EPS15: variants seen among roughly 807,000 people sequenced by gnomAD.
The protein encoded by EPS15 is epidermal growth factor receptor substrate 15.
In EPS15, 72 loss-of-function variants were observed where a neutral mutation model predicts 113.8. The ratio of observed to expected loss-of-function variants is 0.63; its 90% CI spans 0.52 to 0.77. The LOEUF is 0.77. Ranked by LOEUF, EPS15 falls within the 30% of genes least tolerant of loss-of-function variation. The pLI is 0.00. For missense variants in EPS15, 1,048 were observed against 1,045.8 expected, an observed-to-expected ratio of 1.00 and a Z score of -0.03; for synonymous variants, 344 against 363.4, an observed-to-expected ratio of 0.95 and a Z score of 0.61.
At chr1:51,462,158 T>C (rs1439230449) in intron 7 of EPS15, 2 of 150,506 alleles carry the variant, frequency 1.3e-5, no homozygotes, top group Non-Finnish European at 3.0e-5. Context: ...AGGTCAGGAG[T>C]TCAAGACCAG....
intron 15 of EPS15, among the ~76,000 whole-genome samples, chr1:51,407,877 C>G (rs1463254718): frequency 6.6e-6 from 1 of 152,140 alleles, no homozygotes; most frequent in African/African-American, 2.4e-5. Context: ...AAGTGGCACA[C>G]CAGTACTTAA....
chr1:51,463,051 T>A (rs1251456815), intron 7 of EPS15: 1 of 151,872 alleles, frequency 6.6e-6, no homozygotes, highest in African/African-American at 2.4e-5. Context: ...CTAATTTTTG[T>A]ATTTTTAGTA....
intron 17 of EPS15, 64 bp from the exon 18 acceptor site, chr1:51,402,589 A>G (rs1243839762): frequency 3.4e-6 from 3 of 884,562 alleles, no homozygotes; most frequent in African/African-American, 3.5e-5. Flanking sequence ...TAACATTTTA[A>G]AATAAAATAA....
chr1:51,426,529 A>C (rs1651211467), intron 12 of EPS15, among the ~76,000 whole-genome samples: 1 of 150,962 alleles, frequency 6.6e-6, no homozygotes, highest in Non-Finnish European at 1.5e-5. Context: ...TTGGACAAAC[A>C]CGACCCTAGA....
intron 13 of EPS15, among the ~76,000 whole-genome samples, chr1:51,413,494 C>T (rs371624080): frequency 1.3e-5 from 2 of 152,144 alleles, no homozygotes; most frequent in African/African-American, 2.4e-5. Flanking sequence ...ATGGGAAACA[C>T]GCATGAGACT....
At chr1:51,468,701 T>C (rs1655025505) in intron 4 of EPS15, 133 bp from the exon 5 acceptor site, 11 of 621,006 alleles carry the variant, frequency 1.8e-5, no homozygotes, top group Non-Finnish European at 2.8e-5. Context: ...ACAAGTAGCA[T>C]ATTTGCTTCA....
At chr1:51,426,837 C>CTCTCTCTCTCTCTA (rs377211027) in intron 12 of EPS15, among the ~76,000 whole-genome samples, 97 of 143,646 alleles carry the variant, frequency 6.8e-4, no homozygotes, top group Middle Eastern at 3.5e-3. Context: ...CTCTCTCTCT[C>CTCTCTCTCTCTCTA]TATATATATA....
At chr1:51,468,411 C>T in intron 5 of EPS15, 62 bp downstream of exon 5, 3 of 1,182,902 alleles carry the variant, frequency 2.5e-6, no homozygotes, top group Non-Finnish European at 3.8e-6. Context: ...TTTTAATTTT[C>T]AAATAACGTG....
At chr1:51,473,155 G>A (rs540200399) in intron 2 of EPS15, among the ~76,000 whole-genome samples, 1 of 152,206 alleles carries the variant, frequency 6.6e-6, no homozygotes, top group Admixed American at 6.5e-5. Flanking sequence ...AGTGGTTTTT[G>A]TTTTATCATG....
At chr1:51,505,803 A>G (rs1644489582) in intron 1 of EPS15, among the ~76,000 whole-genome samples, 1 of 152,064 alleles carries the variant, frequency 6.6e-6, no homozygotes, top group African/African-American at 2.4e-5. Flanking sequence ...TTATTTATTT[A>G]TTTATTTTTT....
chr1:51,425,658 C>T (rs919524165), intron 12 of EPS15, among the ~76,000 whole-genome samples: 55 of 152,190 alleles, frequency 3.6e-4, no homozygotes, highest in Non-Finnish European at 5.7e-4. Flanking sequence ...GTCAATCTCT[C>T]TCACAAGCAA....
At chr1:51,357,402 ATATATATATATATATATATATATATTTT>A (rs1482272912) in intron 24 of EPS15, among the ~76,000 whole-genome samples, 1 of 50,290 alleles carries the variant, frequency 2.0e-5, no homozygotes, top group Non-Finnish European at 3.5e-5. Context: ...ATATATATAT[ATATATATATATATATATATATATATTTT>A]TTTTTTTTAA....
At chr1:51,419,526 C>T (rs994524349) in intron 13 of EPS15, among the ~76,000 whole-genome samples, 3 of 152,020 alleles carry the variant, frequency 2.0e-5, no homozygotes, top group Admixed American at 1.3e-4. Flanking sequence ...AAGCCAAGTG[C>T]GGCAGGTACT....
At chr1:51,518,921 C>T (rs2148577715) in intron 1 of EPS15, among the ~76,000 whole-genome samples, 1 of 151,594 alleles carries the variant, frequency 6.6e-6, no homozygotes, top group East Asian at 1.9e-4. Context: ...GGGTCACAGT[C>T]CACTCGGCAG....
At chr1:51,372,732 G>A (rs1369334010) in intron 21 of EPS15, 1 of 411,718 alleles carries the variant, frequency 2.4e-6, no homozygotes, top group Non-Finnish European at 4.7e-6. Flanking sequence ...TGAGCATGTG[G>A]CTAATGAAAC....
At chr1:51,436,402 CAT>C (rs956858115) in intron 12 of EPS15, among the ~76,000 whole-genome samples, 8 of 132,564 alleles carry the variant, frequency 6.0e-5, no homozygotes, top group East Asian at 1.9e-4. Context: ...AAGAAGGAAA[CAT>C]AGAAAACAGA....
intron 13 of EPS15, among the ~76,000 whole-genome samples, chr1:51,416,809 T>C (rs1206606781): frequency 3.3e-5 from 5 of 151,346 alleles, no homozygotes; most frequent in South Asian, 2.1e-4. Context: ...ATCATGTTAA[T>C]AGTTCATATC....
chr1:51,448,859 T>C (rs75078463), intron 8 of EPS15, among the ~76,000 whole-genome samples: 3,039 of 152,264 alleles, frequency 0.02, 112 homozygotes, highest in African/African-American at 0.067. Flanking sequence ...AAAAGCAGGA[T>C]ATAAATTTAC....
rs190307834 is a variant in EPS15, at chr1:51,484,669, T to C, written c.34-3355A>G. On this transcript the variant is annotated intron_variant, in intron 1 of 24. Transcript: ENST00000371733. ...CAAAACAACTTCTTTGCAAGGGGAG[T>C]GCATAGACTTACTGAAAAGTATCCT... Among the ~76,000 whole-genome samples, 8 of 152,242 alleles carry C rather than the reference T, an allele frequency of 5.3e-5. No homozygotes were observed. In the East Asian group the frequency reaches 1.5e-3, roughly 29 times the overall value.
Sources: allele counts gnomAD v4.1 joint callset (sites outside exome capture counted in the v4.1 genomes callset), GRCh38; gene constraint gnomAD v4.1.1; transcripts MANE v1.5; gene names NCBI Gene and HGNC (gene_info 2026-07-23, HGNC 2026-07-21).